UNC13C: variants seen among roughly 807,000 people sequenced by gnomAD.
The protein encoded by UNC13C is protein unc-13 homolog C.
UNC13C carries 174 observed loss-of-function variants against 245.4 expected under a neutral mutation model. The ratio of observed to expected loss-of-function variants is 0.71; its 90% CI spans 0.63 to 0.80. The LOEUF (loss-of-function observed/expected upper bound fraction) is 0.80. Among genes scored for constraint, UNC13C ranks in the 30% least tolerant of loss-of-function variants. The probability of loss-of-function intolerance (pLI) is 0.00; values close to 1 mark genes in which losing one functional copy is unlikely to be tolerated. For missense variants in UNC13C, 2,829 were observed against 2,602.9 expected (o/e 1.09, Z -1.89); for synonymous variants, 992 against 895.1 (o/e 1.11, Z -1.93).
At chr15:54,531,522 T>G (rs145338694) in intron 25 of UNC13C, among the ~76,000 whole-genome samples, 413 of 152,222 alleles carry the variant, frequency 2.7e-3, no homozygotes, top group African/African-American at 9.2e-3. Context: ...GCAACCTTAC[T>G]CCAATGGTTA....
intron 19 of UNC13C, among the ~76,000 whole-genome samples, chr15:54,449,612 G>T (rs918546440): frequency 1.1e-4 from 16 of 152,182 alleles, no homozygotes; most frequent in Non-Finnish European, 2.2e-4. Context: ...TCGAGCCATG[G>T]TTTTCAGCTC....
At chr15:54,339,751 G>A (rs1047627335) in intron 17 of UNC13C, among the ~76,000 whole-genome samples, 3 of 152,026 alleles carry the variant, frequency 2.0e-5, no homozygotes, top group East Asian at 1.9e-4. Context: ...CTATAAACCT[G>A]CATGTGCAAG....
chr15:54,161,377 G>A (rs1375513662), intron 4 of UNC13C, among the ~76,000 whole-genome samples: 1 of 152,108 alleles, frequency 6.6e-6, no homozygotes, highest in African/African-American at 2.4e-5. Flanking sequence ...CTTTCTGCCA[G>A]GTACATGGAC....
At chr15:53,985,196 T>G (rs1894083382) in intron 1 of UNC13C, among the ~76,000 whole-genome samples, 1 of 151,932 alleles carries the variant, frequency 6.6e-6, no homozygotes, top group Non-Finnish European at 1.5e-5. Context: ...GAGCATGTGG[T>G]GTTTGGTTTT....
chr15:54,322,132 G>C (rs2038178744), intron 14 of UNC13C, 37 bp downstream of exon 14: 2 of 1,498,244 alleles, frequency 1.3e-6, no homozygotes, highest in East Asian at 5.0e-5. Context: ...ATTCCTAGCA[G>C]CTTATGGGAG....
At position 54,555,528 on chromosome 15, in the gene UNC13C, T is replaced by C. The variant is rs62022212; in HGVS notation, c.5958+16T>C. 88,651 of 1,592,918 alleles carry C rather than the reference T, an allele frequency of 0.056. 3,091 individuals are homozygous for C. The highest frequency in any genetic ancestry group is 0.15 in the Admixed American group (8,835 of 58,686). On this transcript the variant is annotated intron_variant, in intron 29 of 32. Coordinates refer to ENST00000260323, the MANE Select transcript of UNC13C (RefSeq NM_001080534.3). ...TACCATCAAGGTGAGATTATAATGC[T>C]CCTATATATACATCGAGAGAGGCCC...
At chr15:54,282,614 G>T (rs957615680) in intron 10 of UNC13C, among the ~76,000 whole-genome samples, 1 of 152,164 alleles carries the variant, frequency 6.6e-6, no homozygotes, top group Admixed American at 6.5e-5. Flanking sequence ...TAGCAGCTCA[G>T]TTGGCCCCTT....
intron 18 of UNC13C, among the ~76,000 whole-genome samples, chr15:54,410,393 A>G (rs1403602390): frequency 6.7e-6 from 1 of 149,450 alleles, no homozygotes; most frequent in Non-Finnish European, 1.5e-5. Flanking sequence ...CCACTTGTCA[A>G]TTTTTCTTTT....
Position 54,300,209 on chromosome 15 carries a change from G to A in UNC13C, c.4105-1G>A. ...AACAATTAAAAACCACTTGCTTTTAGAATCTGTTCCATTACTTGACTGAAG... is the reference window on the plus strand; with the variant it reads ...AACAATTAAAAACCACTTGCTTTTAAAATCTGTTCCATTACTTGACTGAAG... On this transcript the variant is annotated splice_acceptor_variant, in intron 12 of 32. Transcript: ENST00000260323. LOFTEE classifies it high-confidence loss of function. The A allele has an allele frequency of 6.3e-7, 1 of 1,596,460 alleles. No individual in the cohort carries two copies. The highest frequency in any genetic ancestry group is 8.5e-7 in the Non-Finnish European group (1 of 1,170,740).
the UNC13C span, among the ~76,000 whole-genome samples, chr15:53,879,116 G>T: frequency 6.6e-6 from 1 of 152,060 alleles, no homozygotes; most frequent in Non-Finnish European, 1.5e-5. Flanking sequence ...AAAGAAAATA[G>T]TCCTCCAAGA....
intron 18 of UNC13C, among the ~76,000 whole-genome samples, chr15:54,408,281 A>C (rs555183914): frequency 1.4e-5 from 2 of 146,650 alleles, no homozygotes; most frequent in East Asian, 4.2e-4. Flanking sequence ...GATTCATTTC[A>C]TGTTCTAGTA....
At chr15:54,358,585 T>C (rs879472098) in intron 17 of UNC13C, among the ~76,000 whole-genome samples, 2 of 127,568 alleles carry the variant, frequency 1.6e-5, no homozygotes, top group Non-Finnish European at 3.4e-5. Context: ...CTATTATACA[T>C]TGGATTACAT....
chr15:54,118,329 C>T (rs1481017186), intron 2 of UNC13C, among the ~76,000 whole-genome samples: 1 of 151,742 alleles, frequency 6.6e-6, no homozygotes, highest in Non-Finnish European at 1.5e-5. Context: ...AATTTTTTTT[C>T]ATCAGTGTTT....
chr15:54,508,835 C>T (rs1023743397), intron 23 of UNC13C, among the ~76,000 whole-genome samples: 2 of 152,182 alleles, frequency 1.3e-5, no homozygotes, highest in African/African-American at 2.4e-5. Context: ...TTCAGTATAT[C>T]TATGGCAATA....
intron 30 of UNC13C, among the ~76,000 whole-genome samples, chr15:54,571,039 A>G (rs1242724874): frequency 1.3e-5 from 2 of 152,252 alleles, no homozygotes. Flanking sequence ...CTCTTCCTGC[A>G]GATGATCATT....
At chr15:54,340,335 G>T (rs753621358) in intron 17 of UNC13C, among the ~76,000 whole-genome samples, 2 of 152,056 alleles carry the variant, frequency 1.3e-5, no homozygotes, top group Non-Finnish European at 2.9e-5. Flanking sequence ...TTGCTTTTAG[G>T]TTCTTGGTCA....
intron 4 of UNC13C, among the ~76,000 whole-genome samples, chr15:54,206,535 G>A (rs1422664432): frequency 6.6e-6 from 1 of 152,056 alleles, no homozygotes; most frequent in East Asian, 1.9e-4. Context: ...ATTAATCAAT[G>A]CACATACTAT....
chr15:54,354,073 T>C (rs900852621), intron 17 of UNC13C, among the ~76,000 whole-genome samples: 1 of 152,192 alleles, frequency 6.6e-6, no homozygotes, highest in Non-Finnish European at 1.5e-5. Flanking sequence ...GATGCAGCTT[T>C]GAAATCAAAC....
At chr15:54,617,225 G>A (rs1422590080) in intron 30 of UNC13C, among the ~76,000 whole-genome samples, 2 of 152,034 alleles carry the variant, frequency 1.3e-5, no homozygotes, top group African/African-American at 4.8e-5. Flanking sequence ...AAGATAGCTA[G>A]GTCCTATATA....
Sources: gnomAD v4.1 joint callset for allele counts (sites outside exome capture counted in the v4.1 genomes callset) on GRCh38, gnomAD v4.1.1 for gene constraint, MANE v1.5 for transcripts, NCBI Gene and HGNC (gene_info 2026-07-23, HGNC 2026-07-21) for gene names.